CSPP1: variants seen among roughly 807,000 people sequenced by gnomAD.
The protein encoded by CSPP1 is centrosome and spindle pole-associated protein 1.
In CSPP1, 126 loss-of-function variants were observed where a neutral mutation model predicts 164.4. The ratio of observed to expected loss-of-function variants is 0.77; its 90% CI spans 0.66 to 0.89. The LOEUF is 0.89. Among genes scored for constraint, CSPP1 ranks in the 40% least tolerant of loss-of-function variants. CSPP1 has a pLI of 0.00. For synonymous variants in CSPP1, 472 were observed against 476.7 expected, an observed-to-expected ratio of 0.99 and a Z score of 0.13; for missense variants, 1,395 against 1,449.8, an observed-to-expected ratio of 0.96 and a Z score of 0.61.
intron 16 of CSPP1, 58 bp downstream of exon 16, chr8:67,132,138 C>T: frequency 2.0e-6 from 3 of 1,504,956 alleles, no homozygotes; most frequent in Non-Finnish European, 2.7e-6. Context: ...ATGGTGGTCC[C>T]TTAGAGCTCA....
chr8:67,103,561 G>A (rs984229964), intron 8 of CSPP1, among the ~76,000 whole-genome samples: 6 of 151,796 alleles, frequency 4.0e-5, no homozygotes, highest in South Asian at 4.2e-4. Flanking sequence ...TTGGGAAGCC[G>A]ATGCAGGCGG....
In CSPP1 at chr8:67,109,564, T is replaced by C. The variant is rs145516690; in HGVS notation, c.1094-2408T>C. Among the ~76,000 whole-genome samples, 988 of 152,344 alleles carry C rather than the reference T, an allele frequency of 6.5e-3. 7 individuals are homozygous for C. Among genetic ancestry groups the C allele is most frequent in the African/African-American group, 0.023 (948 of 41,568 alleles). ...ACCCATTCTCAAGGGGAGGGAATTATACAGGGATTCAGCTGGGAGCAGGGA... is the reference window on the plus strand; with the variant it reads ...ACCCATTCTCAAGGGGAGGGAATTACACAGGGATTCAGCTGGGAGCAGGGA... On this transcript the variant is annotated intron_variant, in intron 9 of 30. Transcript: ENST00000678616.
At chr8:67,151,200 T>A (rs1825628221) in intron 18 of CSPP1, among the ~76,000 whole-genome samples, 1 of 152,228 alleles carries the variant, frequency 6.6e-6, no homozygotes, top group African/African-American at 2.4e-5. Flanking sequence ...GAGAAAATGC[T>A]TTCTTTGTTC....
intron 4 of CSPP1, among the ~76,000 whole-genome samples, chr8:67,088,276 A>AT (rs1383513274): frequency 2.6e-5 from 4 of 151,518 alleles, no homozygotes; most frequent in African/African-American, 9.7e-5. Flanking sequence ...GTTTTTTAAG[A>AT]TTTTTTTGTT....
intron 18 of CSPP1, among the ~76,000 whole-genome samples, chr8:67,153,113 A>C (rs1230746802): frequency 1.3e-5 from 2 of 151,852 alleles, no homozygotes; most frequent in African/African-American, 4.8e-5. Context: ...GAAGCAGGAG[A>C]ATAGCTTGAA....
chr8:67,181,757 C>T (rs1030846746), intron 28 of CSPP1, among the ~76,000 whole-genome samples: 3 of 152,088 alleles, frequency 2.0e-5, no homozygotes, highest in African/African-American at 7.2e-5. Flanking sequence ...TATTGTGCAA[C>T]CACCACTATC....
At chr8:67,084,958 A>T (rs1810073932) in intron 3 of CSPP1, among the ~76,000 whole-genome samples, 1 of 152,198 alleles carries the variant, frequency 6.6e-6, no homozygotes, top group Non-Finnish European at 1.5e-5. Flanking sequence ...TAATTTACAC[A>T]CCATAACATT....
At chr8:67,153,958 T>G (rs1373926489) in intron 18 of CSPP1, 66 bp from the exon 19 acceptor site, 1 of 741,074 alleles carries the variant, frequency 1.3e-6, no homozygotes, top group Non-Finnish European at 2.4e-6. Flanking sequence ...AAACTGTTCA[T>G]TCTTTAACTG....
chr8:67,111,837 AT>A (rs557916115), intron 9 of CSPP1, 134 bp from the exon 10 acceptor site: 2 of 499,436 alleles, frequency 4.0e-6, no homozygotes, highest in East Asian at 3.4e-5. Flanking sequence ...GATTCATGTG[AT>A]TTTTTTCCTT....
chr8:67,176,034 AAG>A (rs1468404716), intron 26 of CSPP1, among the ~76,000 whole-genome samples: 1 of 151,634 alleles, frequency 6.6e-6, no homozygotes, highest in Non-Finnish European at 1.5e-5. Flanking sequence ...GATGCTAAAG[AAG>A]TACAACTGTG....
chr8:67,090,103 A>G (rs1214948574), intron 4 of CSPP1, among the ~76,000 whole-genome samples: 2 of 152,146 alleles, frequency 1.3e-5, no homozygotes, highest in Non-Finnish European at 2.9e-5. Flanking sequence ...TTTTTCATGC[A>G]TTTATAACTC....
intron 27 of CSPP1, among the ~76,000 whole-genome samples, chr8:67,178,343 A>G (rs1832178962): frequency 6.6e-6 from 1 of 152,204 alleles, no homozygotes; most frequent in South Asian, 2.1e-4. Context: ...TTTTTGTGCA[A>G]GACTGAATAA....
At chr8:67,180,750 C>G (rs1041001704) in intron 28 of CSPP1, among the ~76,000 whole-genome samples, 1 of 151,788 alleles carries the variant, frequency 6.6e-6, no homozygotes, top group East Asian at 1.9e-4. Flanking sequence ...TACCTGTGTA[C>G]CTTAATTATT....
intron 24 of CSPP1, among the ~76,000 whole-genome samples, chr8:67,170,061 G>A (rs1830178855): frequency 6.6e-6 from 1 of 152,068 alleles, no homozygotes; most frequent in Non-Finnish European, 1.5e-5. Context: ...ATTTCTATGT[G>A]TGATTTGTGT....
rs186553777 is a variant in CSPP1, at chr8:67,154,527, C to T, written c.2241+391C>T. ...GACTACAGGTGCCTGCCACCACGCC[C>T]GGCTAATTTTTTGTATTTTTAGTGG... On this transcript the variant is annotated intron_variant, in intron 19 of 30. Transcript: ENST00000678616. Among the ~76,000 whole-genome samples, 44 of 152,190 alleles carry T rather than the reference C, an allele frequency of 2.9e-4. No individual in the cohort carries two copies. The South Asian group carries it at 8.3e-3, about 29-fold the overall frequency.
chr8:67,135,396 A>G (rs1466367494), intron 16 of CSPP1: 1 of 152,094 alleles, frequency 6.6e-6, no homozygotes, highest in African/African-American at 2.4e-5. Context: ...TCCTGATCTC[A>G]AGTGATCCGC....
rs1064797347 is a variant in CSPP1 at position 67,137,452 on chromosome 8, C to A, written c.1828-4C>A. On this transcript the variant is annotated splice_region_variant and splice_polypyrimidine_tract_variant and intron_variant, in intron 16 of 30. Transcript: ENST00000678616. ...TTATTTTAAATATATCTTATGTTGT[C>A]AAGATTCGGGAAAGAGAAGAAAGAA... 4 of 1,480,946 alleles carry A rather than the reference C, an allele frequency of 2.7e-6. No individual in the cohort carries two copies. In the South Asian group the frequency reaches 4.0e-5, roughly 15 times the overall value. The allele number at this position is 1,480,946 out of a possible 1,614,324, so 91.7% of individuals were successfully genotyped here.
At chr8:67,126,790 C>A (rs1036381702) in intron 15 of CSPP1, among the ~76,000 whole-genome samples, 1 of 152,042 alleles carries the variant, frequency 6.6e-6, no homozygotes, top group African/African-American at 2.4e-5. Context: ...TATTGTCAGT[C>A]TTTTGCTTGC....
Position 67,095,611 on chromosome 8 carries a change from G to C in CSPP1, c.802G>C (p.Val268Leu), listed in dbSNP as rs753271821. The change falls in exon 7 of 31, where the codon GTT becomes CTT. Residue 268 changes from valine to leucine, a missense_variant. Transcript: ENST00000678616. Reference sequence around the variant, plus strand: ...ATTTCACAGATTTAATGAGGATCGTGTTTTTGATAGACGGTATCATAGACC... The same window carrying C: ...ATTTCACAGATTTAATGAGGATCGTCTTTTTGATAGACGGTATCATAGACC... ...RRFHRFNEDR[V>L]FDRRYHRPDQ... 6.2e-7 allele frequency: 1 copy of C among 1,613,946 alleles called. No homozygotes were observed. The highest frequency in any genetic ancestry group is 8.5e-7 in the Non-Finnish European group (1 of 1,179,910).
Sources: gnomAD v4.1 joint callset for allele counts (sites outside exome capture counted in the v4.1 genomes callset) on GRCh38, gnomAD v4.1.1 for gene constraint, MANE v1.5 for transcripts, NCBI Gene and HGNC (gene_info 2026-07-23, HGNC 2026-07-21) for gene names.